TIAM2: variants seen among roughly 807,000 people sequenced by gnomAD.
The protein encoded by TIAM2 is rho guanine nucleotide exchange factor TIAM2.
TIAM2 carries 80 observed loss-of-function variants against 152.9 expected under a neutral mutation model. The observed-to-expected ratio is 0.52, with a 90% CI of 0.44 to 0.63. The LOEUF is 0.63. TIAM2 is among the 30% of genes least tolerant of loss of function. The pLI is 0.00. For synonymous variants in TIAM2, 804 were observed against 838.0 expected, an observed-to-expected ratio of 0.96 and a Z score of 0.70; for missense variants, 1,965 against 2,120.1, an observed-to-expected ratio of 0.93 and a Z score of 1.44.
At chr6:155,216,783 C>A in intron 15 of TIAM2, 1 of 506,516 alleles carries the variant, frequency 2.0e-6, no homozygotes, top group Non-Finnish European at 2.8e-6. Context: ...CCTCTGTGGT[C>A]CCATTGTCTC....
intron 1 of TIAM2, among the ~76,000 whole-genome samples, chr6:155,036,040 C>T (rs1443527969): frequency 6.6e-6 from 1 of 152,128 alleles, no homozygotes. Flanking sequence ...AAGAAAAACC[C>T]TGTGTACAGA....
chr6:155,089,980 CCTGT>C (rs769913537), intron 1 of TIAM2, among the ~76,000 whole-genome samples: 14 of 152,246 alleles, frequency 9.2e-5, no homozygotes, highest in Admixed American at 6.5e-4. Flanking sequence ...CTATCCATCT[CCTGT>C]CTAACTTATC....
At chr6:155,134,766 C>T (rs984084002) in intron 4 of TIAM2, among the ~76,000 whole-genome samples, 28 of 152,084 alleles carry the variant, frequency 1.8e-4, no homozygotes, top group Admixed American at 1.4e-3. Context: ...AGTGCAGTGG[C>T]GTGATCTCTA....
At chr6:155,054,915 C>T (rs2062412) in intron 1 of TIAM2, among the ~76,000 whole-genome samples, 53,362 of 151,906 alleles carry the variant, frequency 0.35, 9,647 homozygotes, top group Admixed American at 0.39. Context: ...GATTGAATTA[C>T]GGACACTGGG....
intron 1 of TIAM2, among the ~76,000 whole-genome samples, chr6:155,034,734 G>A (rs1776891759): frequency 6.6e-6 from 1 of 152,120 alleles, no homozygotes; most frequent in South Asian, 2.1e-4. Context: ...TCCTGGCTAG[G>A]CTAGTTAACC....
chr6:155,027,018 A>T (rs776364182), intron 1 of TIAM2, among the ~76,000 whole-genome samples: 1 of 152,026 alleles, frequency 6.6e-6, no homozygotes, highest in Non-Finnish European at 1.5e-5. Context: ...ATTTCTGTTC[A>T]TTAGCAAACT....
intron 2 of TIAM2, among the ~76,000 whole-genome samples, chr6:155,120,649 T>C (rs1779129371): frequency 6.6e-6 from 1 of 152,178 alleles, no homozygotes; most frequent in Non-Finnish European, 1.5e-5. Flanking sequence ...ATATTTTCAG[T>C]GATAGAGACA....
intron 9 of TIAM2, among the ~76,000 whole-genome samples, chr6:155,170,624 A>G (rs1780562225): frequency 6.6e-6 from 1 of 152,228 alleles, no homozygotes; most frequent in Non-Finnish European, 1.5e-5. Flanking sequence ...TTATGAAACT[A>G]TAGCATCAGT....
intron 1 of TIAM2, among the ~76,000 whole-genome samples, chr6:155,020,131 A>G (rs1164700336): frequency 6.6e-6 from 1 of 151,996 alleles, no homozygotes; most frequent in South Asian, 2.1e-4. Context: ...GCACCCGGCT[A>G]TCATCACTTC....
intron 15 of TIAM2, chr6:155,216,969 G>A: frequency 8.1e-7 from 1 of 1,233,948 alleles, no homozygotes; most frequent in Non-Finnish European, 1.0e-6. Context: ...TTTTTTCATT[G>A]CCTGGGGATG....
chr6:155,055,516 A>T (rs1013046494), intron 1 of TIAM2, among the ~76,000 whole-genome samples: 1 of 152,228 alleles, frequency 6.6e-6, no homozygotes, highest in African/African-American at 2.4e-5. Flanking sequence ...CTTTGGAAAT[A>T]GGAAATGACT....
rs1479024497 is a variant in TIAM2 at position 155,245,613 on chromosome 6, G to C, written c.3544-10G>C. On this transcript the variant is annotated splice_polypyrimidine_tract_variant and intron_variant, in intron 18 of 26. Transcript: ENST00000682666. ...CATGTCTGATTTGACTTTCCCCTCT[G>C]CCCTTCTAGAAATTACTGTTTTCCC... The C allele has an allele frequency of 6.2e-7, 1 of 1,608,210 alleles. No homozygotes were observed. Among genetic ancestry groups the C allele is most frequent in the East Asian group, 2.2e-5 (1 of 44,846 alleles).
intron 9 of TIAM2, among the ~76,000 whole-genome samples, chr6:155,172,752 C>T (rs1406933039): frequency 1.3e-4 from 16 of 123,906 alleles, no homozygotes; most frequent in African/African-American, 4.5e-4. Context: ...GTGGTAGGTG[C>T]GTAACAGTCC....
intron 17 of TIAM2, 60 bp from the exon 18 acceptor site, chr6:155,244,598 A>T: frequency 6.3e-7 from 1 of 1,574,990 alleles, no homozygotes; most frequent in Middle Eastern, 1.7e-4. Context: ...CCTAAGAGTT[A>T]GCGTGGTGTC....
At chr6:155,199,957 G>C (rs1190935840) in intron 14 of TIAM2, among the ~76,000 whole-genome samples, 2 of 152,180 alleles carry the variant, frequency 1.3e-5, no homozygotes, top group Non-Finnish European at 2.9e-5. Context: ...TCAAGCCTCT[G>C]GTAGCTTGGA....
In TIAM2 at chr6:155,112,326, C is replaced by T. The variant is rs561184115; in HGVS notation, c.-117-15164C>T. Among the ~76,000 whole-genome samples, 143 of 151,856 alleles carry T rather than the reference C, an allele frequency of 9.4e-4. 2 individuals carry two copies. The Middle Eastern group carries it at 0.024, about 25-fold the overall frequency. ...ATTTTTTTTAGTAGAGACGGGGTTT[C>T]GTTGGCCAGGCTGGTCTCGAACTCC... On this transcript the variant is annotated intron_variant, in intron 2 of 26. Transcript: ENST00000682666.
intron 2 of TIAM2, among the ~76,000 whole-genome samples, chr6:155,093,451 A>G (rs1778346400): frequency 6.6e-6 from 1 of 152,182 alleles, no homozygotes. Context: ...AGCAAGTGGT[A>G]AGCTTAGCAG....
At chr6:155,044,071 G>C (rs1160435825) in intron 1 of TIAM2, among the ~76,000 whole-genome samples, 1 of 152,194 alleles carries the variant, frequency 6.6e-6, no homozygotes, top group Non-Finnish European at 1.5e-5. Flanking sequence ...GCTTGCCTTA[G>C]ATTATATCCC....
At position 155,137,428 on chromosome 6, in the gene TIAM2, C is replaced by A. The variant is rs374521659; in HGVS notation, c.1446C>A (p.Thr482=). 2.5e-6 allele frequency: 4 copies of A among 1,614,034 alleles called. No homozygotes were observed. The highest frequency in any genetic ancestry group is 2.7e-5 in the African/African-American group (2 of 74,920). ...NTENIETSTE[T]AESSSESLSS... ...AGAACATAGAAACATCTACAGAAAC[C>A]GCCGAGTCCAGCAGCGAGTCACTCA... Residue 482 remains threonine, a synonymous_variant, in exon 5 of 27, where the codon ACC becomes ACA. Transcript: ENST00000682666.
Sources: allele counts gnomAD v4.1 joint callset (sites outside exome capture counted in the v4.1 genomes callset), GRCh38; gene constraint gnomAD v4.1.1; transcripts MANE v1.5; gene names NCBI Gene and HGNC (gene_info 2026-07-23, HGNC 2026-07-21).